The following MAST4 variants were observed in gnomAD, a reference collection of about 807,000 sequenced individuals.
The protein encoded by MAST4 is microtubule-associated serine/threonine-protein kinase 4.
A neutral mutation model predicts 162.7 loss-of-function variants in MAST4; 89 were observed. The observed-to-expected ratio is 0.55, with a 90% CI of 0.46 to 0.65. The LOEUF (loss-of-function observed/expected upper bound fraction) is 0.65. Among genes scored for constraint, MAST4 ranks in the 30% least tolerant of loss-of-function variants. The probability of loss-of-function intolerance (pLI) is 0.00; values close to 1 mark genes in which losing one functional copy is unlikely to be tolerated. For synonymous variants in MAST4, 1,479 were observed against 1,361.1 expected (o/e 1.09, Z -1.91); for missense variants, 3,153 against 3,374.0 (o/e 0.93, Z 1.62).
chr5:66,974,385 A>G (rs1336601261), intron 4 of MAST4, among the ~76,000 whole-genome samples: 1 of 152,246 alleles, frequency 6.6e-6, no homozygotes, highest in Non-Finnish European at 1.5e-5. Context: ...AAGCTTTTCC[A>G]GATGAGCTGC....
intron 11 of MAST4, among the ~76,000 whole-genome samples, chr5:67,113,751 C>T (rs945120264): frequency 7.9e-5 from 12 of 152,156 alleles, no homozygotes; most frequent in Non-Finnish European, 1.8e-4. Context: ...GATTTTACAA[C>T]TTTGCTAGAA....
At chr5:67,118,540 T>G (rs1767193499) in intron 12 of MAST4, 142 bp from the exon 13 acceptor site, 1 of 597,918 alleles carries the variant, frequency 1.7e-6, no homozygotes, top group South Asian at 2.2e-5. Flanking sequence ...TTTTTTTAGA[T>G]TTAAGATTTT....
At position 66,920,073 on chromosome 5, in the gene MAST4, G is replaced by T. The variant is rs556362057; in HGVS notation, c.674+20091G>T. ...GAACCAAATTGAGGTAACTTCTGCT[G>T]GCTAGTAGTGAAAATTTAAGTAGCA... On this transcript the variant is annotated intron_variant, in intron 4 of 28. Coordinates refer to ENST00000403625, the MANE Select transcript of MAST4 (RefSeq NM_001164664.2). Among the ~76,000 whole-genome samples the T allele has an allele frequency of 2.0e-5, 3 of 151,044 alleles. No homozygotes were observed. In the South Asian group the frequency reaches 6.5e-4, roughly 33 times the overall value.
At chr5:66,905,256 G>A (rs1763271347) in intron 4 of MAST4, among the ~76,000 whole-genome samples, 1 of 141,408 alleles carries the variant, frequency 7.1e-6, no homozygotes, top group African/African-American at 2.6e-5. Flanking sequence ...GCAGTGAGCC[G>A]AGATCGCGCC....
intron 4 of MAST4, among the ~76,000 whole-genome samples, chr5:67,048,020 T>G (rs939797433): frequency 6.6e-6 from 1 of 152,120 alleles, no homozygotes; most frequent in Admixed American, 6.5e-5. Flanking sequence ...TAGGCAAAAA[T>G]AGAGATATCC....
At chr5:66,760,435 A>C (rs1753793462) in intron 2 of MAST4, among the ~76,000 whole-genome samples, 2 of 151,948 alleles carry the variant, frequency 1.3e-5, no homozygotes, top group Admixed American at 6.6e-5. Context: ...TTTTAAGTTT[A>C]TGTTTGGATG....
intron 4 of MAST4, chr5:66,917,348 G>GT (rs1161901310): frequency 1.9e-5 from 5 of 257,758 alleles, no homozygotes; most frequent in African/African-American, 6.6e-5. Context: ...ATCCGTTGTG[G>GT]TATGTGTGCA....
At chr5:66,955,350 G>T (rs1745183239) in intron 4 of MAST4, among the ~76,000 whole-genome samples, 1 of 152,114 alleles carries the variant, frequency 6.6e-6, no homozygotes, top group South Asian at 2.1e-4. Context: ...GGAACTGTAA[G>T]TGCAAAGGGC....
chr5:67,022,295 A>G (rs879530728), intron 4 of MAST4, among the ~76,000 whole-genome samples: 16 of 152,244 alleles, frequency 1.1e-4, no homozygotes, highest in African/African-American at 3.1e-4. Context: ...ATGAATCTTA[A>G]TACATCATGC....
chr5:66,693,912 G>A (rs1749225311), intron 1 of MAST4, among the ~76,000 whole-genome samples: 1 of 152,124 alleles, frequency 6.6e-6, no homozygotes, highest in Non-Finnish European at 1.5e-5. Context: ...TACAAGGGGA[G>A]GGATTTGCTC....
chr5:67,073,681 G>A (rs1561612543), intron 5 of MAST4, among the ~76,000 whole-genome samples: 2 of 152,166 alleles, frequency 1.3e-5, no homozygotes, highest in Non-Finnish European at 2.9e-5. Flanking sequence ...ATATGAATAA[G>A]AACAGGAAGG....
intron 1 of MAST4, among the ~76,000 whole-genome samples, chr5:66,601,569 G>A (rs1209194399): frequency 6.6e-6 from 1 of 152,210 alleles, no homozygotes; most frequent in East Asian, 1.9e-4. Flanking sequence ...CCCCCAGGAT[G>A]AGCAGGAGTT....
chr5:66,920,635 C>CA (rs1652457390), intron 4 of MAST4, among the ~76,000 whole-genome samples: 1 of 152,070 alleles, frequency 6.6e-6, no homozygotes, highest in South Asian at 2.1e-4. Flanking sequence ...GGATTACAGG[C>CA]ATGCGCCACC....
chr5:66,850,245 C>T (rs1430621794), intron 3 of MAST4, among the ~76,000 whole-genome samples: 3 of 152,266 alleles, frequency 2.0e-5, no homozygotes, highest in East Asian at 3.9e-4. Context: ...GAGAAACCTT[C>T]GATTTAATCT....
At chr5:66,984,520 A>G (rs940202299) in intron 4 of MAST4, among the ~76,000 whole-genome samples, 11 of 152,252 alleles carry the variant, frequency 7.2e-5, no homozygotes, top group Non-Finnish European at 1.3e-4. Flanking sequence ...TTACATAGGT[A>G]TACGTGGAAA....
intron 1 of MAST4, among the ~76,000 whole-genome samples, chr5:66,645,784 AT>A (rs1328448407): frequency 6.6e-6 from 1 of 152,200 alleles, no homozygotes; most frequent in East Asian, 1.9e-4. Context: ...GAACTGCAGC[AT>A]TTACAATTTT....
At chr5:67,034,110 A>G (rs1353757165) in intron 4 of MAST4, among the ~76,000 whole-genome samples, 1 of 152,130 alleles carries the variant, frequency 6.6e-6, no homozygotes, top group African/African-American at 2.4e-5. Context: ...CATTTAAACA[A>G]CTTGCCTAAA....
At chr5:66,999,905 T>C (rs73103972) in intron 4 of MAST4, among the ~76,000 whole-genome samples, 7,886 of 152,248 alleles carry the variant, frequency 0.052, 640 homozygotes, top group African/African-American at 0.18. Context: ...TTTTTATCTT[T>C]CTCCATATTT....
chr5:67,103,497 G>T (rs1174512545), intron 9 of MAST4, among the ~76,000 whole-genome samples: 2 of 152,222 alleles, frequency 1.3e-5, no homozygotes, highest in Non-Finnish European at 2.9e-5. Flanking sequence ...GTTAATGCAG[G>T]TTAGGATATT....
Sources: allele counts gnomAD v4.1 joint callset (sites outside exome capture counted in the v4.1 genomes callset), GRCh38; gene constraint gnomAD v4.1.1; transcripts MANE v1.5; gene names NCBI Gene and HGNC (gene_info 2026-07-23, HGNC 2026-07-21).